Variants in RECK observed in about 807,000 individuals in gnomAD.
RECK encodes the protein reversion inducing cysteine rich protein with kazal motifs.
RECK carries 69 observed loss-of-function variants against 115.1 expected under a neutral mutation model. The observed-to-expected ratio is 0.60, with a 90% confidence interval of 0.49 to 0.73. RECK has a LOEUF of 0.73. Ranked by LOEUF, RECK falls within the 30% of genes least tolerant of loss-of-function variation. The pLI, the probability that RECK is intolerant of heterozygous loss-of-function variation, is 0.00. For missense variants in RECK, 1,047 were observed against 1,203.7 expected (o/e 0.87, Z 1.93); for synonymous variants, 414 against 419.7 (o/e 0.99, Z 0.17).
intron 10 of RECK, among the ~76,000 whole-genome samples, chr9:36,096,533 G>T (rs890838170): frequency 6.6e-6 from 1 of 151,626 alleles, no homozygotes; most frequent in Non-Finnish European, 1.5e-5. Flanking sequence ...CAAAAACTCT[G>T]TCTCAAAAAA....
chr9:36,124,015 G>T lies in RECK; in HGVS notation c.*970G>T, dbSNP rs1315386006. 3 of 152,614 alleles carry T rather than the reference G, an allele frequency of 2.0e-5. No homozygotes were observed. Among genetic ancestry groups the T allele is most frequent in the Non-Finnish European group, 4.4e-5 (3 of 68,026 alleles). The allele number at this position is 152,614 out of a possible 1,614,324, so 9.5% of individuals were successfully genotyped here. Reference sequence around the variant, plus strand: ...GCTTTCCATTCGTGAAAACACATTTGCTTTTTGTGATATGCACAATGTAGA... The same window carrying T: ...GCTTTCCATTCGTGAAAACACATTTTCTTTTTGTGATATGCACAATGTAGA... On this transcript the variant is annotated 3_prime_UTR_variant, in exon 21 of 21. Transcript: ENST00000377966.
At chr9:36,063,486 C>T (rs771060442) in intron 4 of RECK, among the ~76,000 whole-genome samples, 16 of 152,120 alleles carry the variant, frequency 1.1e-4, no homozygotes, top group Non-Finnish European at 2.2e-4. Flanking sequence ...GCTTTCCTTC[C>T]CTTGTACGTC....
intron 16 of RECK, among the ~76,000 whole-genome samples, chr9:36,114,651 G>A (rs150981129): frequency 1.8e-3 from 277 of 152,222 alleles, no homozygotes; most frequent in African/African-American, 6.2e-3. Flanking sequence ...TCAGGAGTTC[G>A]AGACTAGCCT....
rs368209487 is a variant in RECK at position 36,102,385 on chromosome 9, T to A, written c.1435+155T>A. On this transcript the variant is annotated intron_variant, in intron 12 of 20. Transcript: ENST00000377966. ...ACAGACTCTTGTTTGCTTGGCCTTTTTGGCCCAGGAAAGAATTGTTGTTTT... is the reference window on the plus strand; with the variant it reads ...ACAGACTCTTGTTTGCTTGGCCTTTATGGCCCAGGAAAGAATTGTTGTTTT... Among the ~76,000 whole-genome samples, 9 of 152,220 alleles carry A rather than the reference T, an allele frequency of 5.9e-5. No homozygotes were observed. The East Asian group carries it at 1.7e-3, about 29-fold the overall frequency.
intron 17 of RECK, among the ~76,000 whole-genome samples, 200 bp downstream of exon 17, chr9:36,117,377 G>T (rs572904811): frequency 1.3e-5 from 2 of 152,294 alleles, no homozygotes; most frequent in South Asian, 4.1e-4. Flanking sequence ...GTGTACCTTT[G>T]CACATCTGGT....
chr9:36,112,974 C>A (rs1194885343), intron 16 of RECK, among the ~76,000 whole-genome samples: 1 of 152,130 alleles, frequency 6.6e-6, no homozygotes, highest in African/African-American at 2.4e-5. Flanking sequence ...GTAGCTGTCA[C>A]CTGATAGTCA....
chr9:36,100,256 T>A, intron 10 of RECK, 75 bp from the exon 11 acceptor site: 1 of 1,205,168 alleles, frequency 8.3e-7, no homozygotes, highest in Non-Finnish European at 1.2e-6. Flanking sequence ...TGCATTAGTA[T>A]GTCAGGATTT....
At chr9:36,065,305 A>G (rs1389027440) in intron 5 of RECK, among the ~76,000 whole-genome samples, 1 of 152,072 alleles carries the variant, frequency 6.6e-6, no homozygotes, top group Non-Finnish European at 1.5e-5. Context: ...TGAAATAACA[A>G]AAGGACTGTG....
Position 36,058,836 on chromosome 9 carries a change from T to G in RECK, c.169T>G (p.Ser57Ala). 6.3e-7 allele frequency: 1 copy of G among 1,589,958 alleles called. No individual in the cohort carries two copies. Among genetic ancestry groups the G allele is most frequent in the Non-Finnish European group, 8.6e-7 (1 of 1,167,508 alleles). The change falls in exon 3 of 21, where the codon TCA becomes GCA. Residue 57 changes from serine (S) to alanine (A), a missense_variant. Physicochemically the swap from Ser to Ala is moderately conservative, Grantham distance 99 (BLOSUM62 1). Transcript: ENST00000377966. ...TTTTTTTGTCAAATAGATTTTCTCCTCAAAAAGTGAATCCCGACTAAAACA... is the reference window on the plus strand; with the variant it reads ...TTTTTTTGTCAAATAGATTTTCTCCGCAAAAAGTGAATCCCGACTAAAACA... ...CRDVCEQIFS[S>A]KSESRLKHLL...
At position 36,100,362 on chromosome 9, in the gene RECK, C is replaced by T. The variant is rs1277022886; in HGVS notation, c.1117C>T (p.Gln373Ter). The change falls in exon 11 of 21, where the codon CAG (glutamine) becomes TAG (stop). Residue 373 changes from glutamine (Q) to a stop codon, truncating the protein, a stop_gained. Coordinates refer to ENST00000377966, the MANE Select transcript of RECK (RefSeq NM_021111.3). LOFTEE classifies it high-confidence loss of function. ...PTELFRSCNA[Q>*]SDQGAMNDMK... ...AGAACTTTTCAGGAGTTGTAATGCA[C>T]AGTCAGATCAAGGAGCCATGAATGA... is the stretch of plus-strand genomic sequence containing the variant. 1.2e-6 allele frequency: 2 copies of T among 1,614,058 alleles called. No homozygotes were observed. The highest frequency in any genetic ancestry group is 2.2e-5 in the East Asian group (1 of 44,876).
chr9:36,074,351 T>TC (rs1822362580), intron 6 of RECK, among the ~76,000 whole-genome samples: 1 of 152,220 alleles, frequency 6.6e-6, no homozygotes. Context: ...ACTGAACCAA[T>TC]ATATTTAATA....
intron 1 of RECK, among the ~76,000 whole-genome samples, chr9:36,044,220 A>ATT (rs5897625): frequency 1.4e-5 from 2 of 141,514 alleles, no homozygotes; most frequent in African/African-American, 2.5e-5. Flanking sequence ...ATTTTATTTT[A>ATT]TTTTTTTTTT....
chr9:36,048,126 A>AATATATATATAT lies in RECK; in HGVS notation c.101-4116_101-4105dup, dbSNP rs56726335. Among the ~76,000 whole-genome samples, 1,013 of 115,118 alleles carry AATATATATATAT rather than the reference A, an allele frequency of 8.8e-3. 25 individuals are homozygous for AATATATATATAT. The highest frequency in any genetic ancestry group is 0.025 in the African/African-American group (577 of 22,850). 75.5% of individuals were successfully genotyped at this position (115,118 alleles called of 152,430 possible). On this transcript the variant is annotated intron_variant, in intron 1 of 20. Transcript: ENST00000377966. Reference sequence around the variant, plus strand: ...TACACACGCACAGACACACAGGTTGAATATATATATATATATATATATATA... The same window carrying AATATATATATAT: ...TACACACGCACAGACACACAGGTTGAATATATATATATATATATATATATATATATATATATA...
intron 6 of RECK, among the ~76,000 whole-genome samples, chr9:36,075,066 CGTG>C (rs1274108573): frequency 6.6e-6 from 1 of 152,174 alleles, no homozygotes; most frequent in East Asian, 1.9e-4. Flanking sequence ...GGCATGTTCA[CGTG>C]GTGGTGGCAG....
intron 7 of RECK, among the ~76,000 whole-genome samples, chr9:36,082,997 T>C (rs2132624767): frequency 6.6e-6 from 1 of 152,336 alleles, no homozygotes; most frequent in East Asian, 1.9e-4. Context: ...ATGGGCACTC[T>C]TGGCATTTTG....
rs971859507 is a variant in RECK at position 36,074,023 on chromosome 9, C to G, written c.406-6582C>G. On this transcript the variant is annotated intron_variant, in intron 6 of 20. Transcript: ENST00000377966. ...CAAATACTGCAAATCCAGATTTTCT[C>G]CACAACCACCCCCCACAAAAAAAGC... is the stretch of plus-strand genomic sequence containing the variant. 5.3e-5 allele frequency among the ~76,000 whole-genome samples: 8 copies of G among 152,084 alleles called. No individual in the cohort carries two copies. The South Asian group carries it at 1.2e-3, about 24-fold the overall frequency.
At chr9:36,050,757 C>T (rs1438549689) in intron 1 of RECK, among the ~76,000 whole-genome samples, 2 of 152,186 alleles carry the variant, frequency 1.3e-5, no homozygotes, top group African/African-American at 2.4e-5. Context: ...TCTAGCCACA[C>T]TCTTTGCTCT....
chr9:36,102,623 G>T (rs1823604023), intron 12 of RECK, among the ~76,000 whole-genome samples: 1 of 152,012 alleles, frequency 6.6e-6, no homozygotes, highest in African/African-American at 2.4e-5. Context: ...TGAGAGCCAG[G>T]AATTGGCTTG....
At chr9:36,071,383 G>C (rs1822223945) in intron 6 of RECK, among the ~76,000 whole-genome samples, 1 of 152,152 alleles carries the variant, frequency 6.6e-6, no homozygotes, top group South Asian at 2.1e-4. Flanking sequence ...ATAAATTTTA[G>C]TTTGAAGTTT....
Sources: gnomAD v4.1 joint callset for allele counts (sites outside exome capture counted in the v4.1 genomes callset) on GRCh38, gnomAD v4.1.1 for gene constraint, MANE v1.5 for transcripts, NCBI Gene and HGNC (gene_info 2026-07-23, HGNC 2026-07-21) for gene names.